OGFOD2: variants seen among roughly 807,000 people sequenced by gnomAD.
The protein encoded by OGFOD2 is 2-oxoglutarate and iron dependent oxygenase domain containing 2, also known as 2-oxoglutarate and iron-dependent oxygenase domain-containing protein 2.
OGFOD2 carries 34 observed loss-of-function variants against 31.1 expected under a neutral mutation model. The ratio of observed to expected loss-of-function variants is 1.09; its 90% CI spans 0.83 to 1.45. The LOEUF (loss-of-function observed/expected upper bound fraction) is 1.45, where lower values mean the gene tolerates loss of function less well. Among genes scored for constraint, OGFOD2 ranks in the 40% most tolerant of loss-of-function variants. The pLI is 0.00. For synonymous variants in OGFOD2, 240 were observed against 192.3 expected (o/e 1.25, Z -2.05); for missense variants, 537 against 433.9 (o/e 1.24, Z -2.11).
Position 122,978,566 on chromosome 12 carries a change from CG to C in OGFOD2, c.531+1del. On this transcript the variant is annotated frameshift_variant and splice_region_variant, in exon 5 of 7. Transcript: ENST00000228922. LOFTEE classifies it high-confidence loss of function. The stretch of plus-strand genomic sequence containing the variant: ...GGAGGCCCAACACCATGAACAACTA[CG>C]GGGTGGGTGAGGCCTGGCCGGTGGC... 1 of 1,612,530 alleles carries C rather than the reference CG, an allele frequency of 6.2e-7. No homozygotes were observed.
At position 122,978,845 on chromosome 12, in the gene OGFOD2, CTG is replaced by C. The variant is rs1361735516; in HGVS notation, c.627_628del (p.Cys209TrpfsTer28). The C allele has an allele frequency of 8.1e-6, 13 of 1,612,688 alleles. No individual in the cohort carries two copies. The highest frequency in any genetic ancestry group is 2.2e-5 in the East Asian group (1 of 44,892). On this transcript the variant is annotated frameshift_variant, in exon 6 of 7. Transcript: ENST00000228922. LOFTEE classifies it high-confidence loss of function. ...CGCTGATGGCCCTGCTGTACCCTGA[CTG>C]TGGCGGGGGCCGGCTCGACAGCCAC...
intron 1 of OGFOD2, 107 bp downstream of exon 1, chr12:122,975,490 T>G: frequency 1.7e-6 from 1 of 595,640 alleles, no homozygotes; most frequent in Non-Finnish European, 3.0e-6. Flanking sequence ...GCACCGTATC[T>G]TCAAATACAA....
intron 4 of OGFOD2, 30 bp from the exon 5 acceptor site, chr12:122,978,412 C>G: frequency 6.2e-7 from 1 of 1,609,520 alleles, no homozygotes; most frequent in South Asian, 1.1e-5. Context: ...CGGCCACATT[C>G]AGGCCAACAG....
chr12:122,975,183 C>T, upstream of OGFOD2: 2 of 503,386 alleles, frequency 4.0e-6, no homozygotes, highest in Non-Finnish European at 7.3e-6. Context: ...GCTGGTTCCG[C>T]GCCTCCCGCG....
chr12:122,975,820 A>G (rs1310713123), exon 2 of OGFOD2: 7 of 702,842 alleles, frequency 1.0e-5, no homozygotes, highest in Non-Finnish European at 1.8e-5. Context: ...GATCCTGCGC[A>G]GCCGAGGCTG....
chr12:122,976,560 C>T, intron 2 of OGFOD2, 94 bp from the exon 3 acceptor site: 1 of 1,303,394 alleles, frequency 7.7e-7, no homozygotes, highest in Non-Finnish European at 1.1e-6. Flanking sequence ...CAGCCTGGGC[C>T]CTGTCTGGCG....
At chr12:122,978,274 G>A in intron 4 of OGFOD2, 168 bp from the exon 5 acceptor site, 2 of 760,488 alleles carry the variant, frequency 2.6e-6, no homozygotes, top group South Asian at 3.7e-5. Context: ...GGGGGGCATG[G>A]GAATCGGCCT....
At chr12:122,977,710 T>G (rs1172851861) in intron 4 of OGFOD2, 1 of 154,508 alleles carries the variant, frequency 6.5e-6, no homozygotes, top group Non-Finnish European at 1.4e-5. Flanking sequence ...GGGGCTCCTG[T>G]GGGAGGCAGA....
chr12:122,976,292 TC>T, intron 2 of OGFOD2: 1 of 1,335,278 alleles, frequency 7.5e-7, no homozygotes, highest in East Asian at 2.3e-5. Context: ...TCCTCCTCCT[TC>T]CCCTGGAGTC....
intron 1 of OGFOD2, 52 bp from the exon 2 acceptor site, chr12:122,975,759 A>G: frequency 1.5e-6 from 1 of 685,612 alleles, no homozygotes; most frequent in Non-Finnish European, 2.7e-6. Context: ...TTAGAGAGTG[A>G]AGGGATTTCC....
intron 2 of OGFOD2, 191 bp downstream of exon 2, chr12:122,976,058 A>G: frequency 3.3e-6 from 2 of 599,328 alleles, no homozygotes; most frequent in East Asian, 2.8e-5. Flanking sequence ...GGGAAATGCT[A>G]AGTTGCTAAG....
exon 7 of OGFOD2, chr12:122,979,185 G>A: frequency 1.2e-6 from 2 of 1,611,920 alleles, no homozygotes; most frequent in Non-Finnish European, 1.7e-6. Context: ...CTTGGGCACT[G>A]GTGAGCGTTG....
Position 122,979,073 on chromosome 12 carries a change from C to A in OGFOD2, c.790-10C>A. 1 of 1,596,754 alleles carries A rather than the reference C, an allele frequency of 6.3e-7. No homozygotes were observed. The highest frequency in any genetic ancestry group is 1.3e-5 in the African/African-American group (1 of 74,732). On this transcript the variant is annotated splice_polypyrimidine_tract_variant and intron_variant, in intron 6 of 6. Transcript: ENST00000228922. ...TGTGAGTGCCCAGGCCTGAGTCGTGCCATCTGCAGGCACCCACAGCCCTGA... is the reference window on the plus strand; with the variant it reads ...TGTGAGTGCCCAGGCCTGAGTCGTGACATCTGCAGGCACCCACAGCCCTGA...
intron 2 of OGFOD2, chr12:122,976,160 C>T (rs1045828533): frequency 1.0e-5 from 6 of 594,924 alleles, no homozygotes; most frequent in Non-Finnish European, 1.8e-5. Context: ...AAAGAGGGAT[C>T]CCTTGCCCAA....
In OGFOD2 at chr12:122,977,095, A is replaced by G. The variant is rs769868294; in HGVS notation, c.403+125A>G. 4 of 878,518 alleles carry G rather than the reference A, an allele frequency of 4.6e-6. No homozygotes were observed. In the South Asian group the frequency reaches 5.6e-5, roughly 12 times the overall value. 54.4% of individuals were successfully genotyped at this position (878,518 alleles called of 1,614,324 possible). On this transcript the variant is annotated intron_variant, in intron 4 of 6. Coordinates refer to ENST00000228922, the Ensembl canonical transcript of OGFOD2. Reference sequence around the variant, plus strand: ...CAAAAACCAAACCAGCAGGAGCTGGAAGGGTCAGTGGGACCAACCTGCCAG... The same window carrying G: ...CAAAAACCAAACCAGCAGGAGCTGGGAGGGTCAGTGGGACCAACCTGCCAG...
chr12:122,979,992 G>C (rs1242423163), exon 7 of OGFOD2: 1 of 402,282 alleles, frequency 2.5e-6, no homozygotes, highest in Non-Finnish European at 4.3e-6. Context: ...CTACCTCCTA[G>C]AGCTGTTTTG....
exon 7 of OGFOD2, chr12:122,979,398 T>G: frequency 6.5e-7 from 1 of 1,545,146 alleles, no homozygotes; most frequent in Non-Finnish European, 8.7e-7. Context: ...CTCCGTTGCC[T>G]TGGTCTGGGG....
At position 122,979,326 on chromosome 12, in the gene OGFOD2, G is replaced by A. The variant is rs752672319; in HGVS notation, c.1033G>A (p.Asp345Asn). The change falls in exon 7 of 7, where the codon GAT becomes AAT. Residue 345 changes from aspartate (D) to asparagine (N), a missense_variant. Asp to Asn is a conservative substitution (Grantham distance 23). Transcript: ENST00000228922. ...CACCCGAGAGGAGCCCGCCACGGTGGATGTATGTGCGCTCACCTGAGCTTG... is the reference window on the plus strand; with the variant it reads ...CACCCGAGAGGAGCCCGCCACGGTGAATGTATGTGCGCTCACCTGAGCTTG... 14 of 1,610,804 alleles carry A rather than the reference G, an allele frequency of 8.7e-6. 1 individual carries two copies. The South Asian group carries it at 1.5e-4, about 18-fold the overall frequency.
chr12:122,977,134 G>T, intron 4 of OGFOD2, 164 bp downstream of exon 4: 2 of 695,236 alleles, frequency 2.9e-6, no homozygotes, highest in East Asian at 5.4e-5. Context: ...CAGGACATCC[G>T]CATTCATTCA....
Sources: gnomAD v4.1 joint callset for allele counts on GRCh38, gnomAD v4.1.1 for gene constraint, MANE v1.5 for transcripts, NCBI Gene and HGNC (gene_info 2026-07-23, HGNC 2026-07-21) for gene names.